CYRIA: variants seen among roughly 807,000 people sequenced by gnomAD.
CYRIA encodes the protein CYFIP related Rac1 interactor A.
A neutral mutation model predicts 43.9 loss-of-function variants in CYRIA; 15 were observed. The ratio of observed to expected loss-of-function variants is 0.34; its 90% confidence interval spans 0.23 to 0.53. The LOEUF (loss-of-function observed/expected upper bound fraction) is 0.53, where lower values mean the gene tolerates loss of function less well. Among genes scored for constraint, CYRIA ranks in the 20% least tolerant of loss-of-function variants. The probability of loss-of-function intolerance (pLI) is 0.94; values close to 1 mark genes in which losing one functional copy is unlikely to be tolerated. For synonymous variants in CYRIA, 117 were observed against 136.0 expected (o/e 0.86, Z 0.97); for missense variants, 236 against 394.2 (o/e 0.60, Z 3.40).
At chr2:16,571,425 C>T (rs1227110031) in intron 3 of CYRIA, among the ~76,000 whole-genome samples, 1 of 152,166 alleles carries the variant, frequency 6.6e-6, no homozygotes, top group Non-Finnish European at 1.5e-5. Context: ...GTGAACCTGC[C>T]ACAGGGCACG....
chr2:16,581,712 T>C (rs1385377598), intron 3 of CYRIA, among the ~76,000 whole-genome samples: 2 of 152,248 alleles, frequency 1.3e-5, no homozygotes, highest in East Asian at 3.9e-4. Flanking sequence ...CTCCTAGGTA[T>C]TTACCCAAGG....
intron 3 of CYRIA, among the ~76,000 whole-genome samples, chr2:16,567,406 AAAC>A (rs982068440): frequency 2.6e-5 from 4 of 152,088 alleles, no homozygotes; most frequent in South Asian, 2.1e-4. Flanking sequence ...CCATCTCAAA[AAAC>A]AACAACAACA....
chr2:16,608,602 T>C (rs76820058), intron 2 of CYRIA, among the ~76,000 whole-genome samples: 2,058 of 152,336 alleles, frequency 0.014, 53 homozygotes, highest in African/African-American at 0.047. Flanking sequence ...TTGGACTCTT[T>C]TGAATCTGAG....
intron 4 of CYRIA, 113 bp downstream of exon 4, chr2:16,565,533 T>A: frequency 8.0e-7 from 1 of 1,244,262 alleles, no homozygotes. Flanking sequence ...TTCTTCCTGG[T>A]ACTCTAGGAA....
In CYRIA at chr2:16,561,458, G is replaced by A; in HGVS notation, c.511C>T (p.His171Tyr). The A allele has an allele frequency of 6.2e-7, 1 of 1,613,532 alleles. No homozygotes were observed. The highest frequency in any genetic ancestry group is 2.2e-5 in the East Asian group (1 of 44,862). ...TISRNRINNM[H>Y]LDIENEVNNE... ...GTCAAGGCGACCCAGGGACTCACGT[G>A]CATGTTGTTGATGCGGTTGCGACTG... is the stretch of plus-strand genomic sequence containing the variant. The change falls in exon 7 of 12, where the codon CAC becomes TAC. Residue 171 changes from histidine to tyrosine, a missense_variant and splice_region_variant. Around this residue, in one of 3 missense-constraint regions of CYRIA, gnomAD observed 193 missense variants for 303.9 expected, o/e 0.64. Transcript: ENST00000381323.
In CYRIA at chr2:16,654,651, C is replaced by T. The variant is rs188732898; in HGVS notation, c.-167+11129G>A. Among the ~76,000 whole-genome samples the T allele has an allele frequency of 5.3e-5, 8 of 152,212 alleles. No individual in the cohort carries two copies. The East Asian group carries it at 1.4e-3, about 26-fold the overall frequency. ...GTCTTAAAGCAAATTTTAAAAAAAA[C>T]CTTCTTAGCTTCATTGTCTTTATCT... On this transcript the variant is annotated intron_variant, in intron 1 of 11. Transcript: ENST00000381323.
intron 1 of CYRIA, among the ~76,000 whole-genome samples, chr2:16,661,880 C>T (rs1363296267): frequency 6.6e-6 from 1 of 151,858 alleles, no homozygotes; most frequent in Non-Finnish European, 1.5e-5. Context: ...AAAATGGGGA[C>T]AATAATACTA....
chr2:16,601,851 G>T (rs182220570), intron 2 of CYRIA, among the ~76,000 whole-genome samples: 1,550 of 152,290 alleles, frequency 0.01, 23 homozygotes, highest in Admixed American at 0.016. Flanking sequence ...ATCAAGCAGG[G>T]TTTATTTTAA....
intron 1 of CYRIA, among the ~76,000 whole-genome samples, chr2:16,660,305 T>C (rs1670214311): frequency 6.6e-6 from 1 of 152,238 alleles, no homozygotes; most frequent in Non-Finnish European, 1.5e-5. Flanking sequence ...AGCTGACAGC[T>C]GAGCTTAGGT....
intron 1 of CYRIA, among the ~76,000 whole-genome samples, chr2:16,660,652 T>C (rs1395102758): frequency 6.6e-6 from 1 of 152,234 alleles, no homozygotes; most frequent in East Asian, 1.9e-4. Flanking sequence ...CTCATTTTTA[T>C]GCTTGATCCA....
intron 2 of CYRIA, among the ~76,000 whole-genome samples, chr2:16,601,824 G>A (rs1668219496): frequency 6.6e-6 from 1 of 152,112 alleles, no homozygotes; most frequent in Non-Finnish European, 1.5e-5. Context: ...CACTCCCAGA[G>A]TATAAAACCA....
chr2:16,626,150 A>C (rs1669156469), intron 1 of CYRIA, among the ~76,000 whole-genome samples: 1 of 152,016 alleles, frequency 6.6e-6, no homozygotes, highest in Non-Finnish European at 1.5e-5. Flanking sequence ...CCTAATAATA[A>C]CTTAATAACC....
At chr2:16,619,107 T>C (rs530397708) in intron 2 of CYRIA, among the ~76,000 whole-genome samples, 2 of 152,316 alleles carry the variant, frequency 1.3e-5, no homozygotes, top group African/African-American at 4.8e-5. Flanking sequence ...CTCCTGGAGC[T>C]TGTGAACATC....
rs1666736240 is a variant in CYRIA, at chr2:16,561,606, G to A, written c.436-73C>T. The A allele has an allele frequency of 2.6e-6, 3 of 1,152,780 alleles. No homozygotes were observed. The Admixed American group carries it at 5.4e-5, about 21-fold the overall frequency. 71.4% of individuals were successfully genotyped at this position (1,152,780 alleles called of 1,614,324 possible). A position where few individuals can be genotyped will look rare whatever the true frequency, so the allele number is the denominator to read the frequency against. On this transcript the variant is annotated intron_variant, in intron 6 of 11. Transcript: ENST00000381323. The stretch of plus-strand genomic sequence containing the variant: ...GGGTATATGCATTAGGAGGAGCCCA[G>A]ACACTAGATTTTATAAATACTCCAG...
intron 2 of CYRIA, among the ~76,000 whole-genome samples, chr2:16,615,161 T>G (rs1466945781): frequency 4.6e-5 from 7 of 152,234 alleles, no homozygotes; most frequent in Admixed American, 4.6e-4. Context: ...GGGAGCTTAT[T>G]ACAAATGCAG....
chr2:16,574,881 A>G (rs1667278310), intron 3 of CYRIA, among the ~76,000 whole-genome samples: 1 of 152,206 alleles, frequency 6.6e-6, no homozygotes, highest in Admixed American at 6.5e-5. Flanking sequence ...CCCCACACAG[A>G]GTCCCCACTG....
rs1448988173 is a variant in CYRIA at position 16,650,328 on chromosome 2, A to G, written c.-167+15452T>C. Reference sequence around the variant, plus strand: ...TTAAGCAATGGCCCAGAAATCAACCAAAAAGAGGAGCAAAGCTATATACTC... The same window carrying G: ...TTAAGCAATGGCCCAGAAATCAACCGAAAAGAGGAGCAAAGCTATATACTC... On this transcript the variant is annotated intron_variant, in intron 1 of 11. Coordinates refer to ENST00000381323, the MANE Select transcript of CYRIA (RefSeq NM_030797.4). The surrounding 1 kb of genome is among the most constrained non-coding windows in gnomAD (Gnocchi z 4.1). Among the ~76,000 whole-genome samples, 1 of 152,252 alleles carries G rather than the reference A, an allele frequency of 6.6e-6. No homozygotes were observed. Among genetic ancestry groups the G allele is most frequent in the African/African-American group, 2.4e-5 (1 of 41,474 alleles).
In CYRIA at chr2:16,551,478, T is replaced by C. The variant is rs1442769896; in HGVS notation, c.*1458A>G. ...GCCACATGGTATAAAAGGAAGAGCA[T>C]GGAGTCAAGAGTGAAGCATCCTGGG... On this transcript the variant is annotated 3_prime_UTR_variant, in exon 12 of 12. Transcript: ENST00000381323. 1.3e-5 allele frequency: 2 copies of C among 152,158 alleles called. No individual in the cohort carries two copies. Among genetic ancestry groups the C allele is most frequent in the South Asian group, 2.1e-4 (1 of 4,838 alleles). The allele number at this position is 152,158 out of a possible 1,614,324, so 9.4% of individuals were successfully genotyped here.
chr2:16,621,134 A>G (rs953050419), intron 2 of CYRIA, among the ~76,000 whole-genome samples: 3 of 152,210 alleles, frequency 2.0e-5, no homozygotes, highest in African/African-American at 7.2e-5. Flanking sequence ...AGTGCCTGGT[A>G]CAGCACTCAC....
Sources: gnomAD v4.1 joint callset for allele counts (sites outside exome capture counted in the v4.1 genomes callset) on GRCh38, gnomAD v4.1.1 for gene constraint, gnomAD v4.1.1 regional missense constraint, Gnocchi (gnomAD v3.1) non-coding constraint, MANE v1.5 for transcripts, NCBI Gene and HGNC (gene_info 2026-07-23, HGNC 2026-07-21) for gene names.